CUL4A: variants seen among roughly 807,000 people sequenced by gnomAD.
The protein encoded by CUL4A is cullin 4A.
Under a neutral mutation model 95.5 loss-of-function variants are expected in CUL4A, and 16 were observed. The observed-to-expected ratio is 0.17, with a 90% CI of 0.11 to 0.25. The LOEUF is 0.25. Ranked by LOEUF, CUL4A falls within the 10% of genes least tolerant of loss-of-function variation. CUL4A has a pLI of 1.00. For synonymous variants in CUL4A, 380 were observed against 353.1 expected (o/e 1.08, Z -0.85); for missense variants, 610 against 937.0 (o/e 0.65, Z 4.56).
upstream of CUL4A, chr13:113,208,583 C>G: frequency 6.2e-7 from 1 of 1,607,312 alleles, no homozygotes; most frequent in Non-Finnish European, 8.5e-7. Flanking sequence ...CCGCGCGCTC[C>G]CCGGCTAGGA....
chr13:113,236,800 C>T lies in CUL4A; in HGVS notation c.849-23C>T, dbSNP rs374556023. On this transcript the variant is annotated intron_variant, in intron 8 of 19. Transcript: ENST00000375440. Reference sequence around the variant, plus strand: ...TCTTCTTTAAACTTTACTTCTAACGCTTATTCTTTTTACCTTATATAGGAA... The same window carrying T: ...TCTTCTTTAAACTTTACTTCTAACGTTTATTCTTTTTACCTTATATAGGAA... The T allele has an allele frequency of 2.0e-4, 306 of 1,548,364 alleles. 1 individual carries two copies. The highest frequency in any genetic ancestry group is 2.7e-4 in the Non-Finnish European group (300 of 1,126,360).
intron 5 of CUL4A, 126 bp downstream of exon 5, chr13:113,229,645 A>G (rs1397837942): frequency 2.6e-6 from 2 of 768,720 alleles, no homozygotes; most frequent in African/African-American, 1.7e-5. Flanking sequence ...TCTTCAGCCA[A>G]AATCATTAAC....
At chr13:113,252,737 C>T (rs547711992) in intron 15 of CUL4A, among the ~76,000 whole-genome samples, 39 of 152,302 alleles carry the variant, frequency 2.6e-4, no homozygotes, top group African/African-American at 9.4e-4. Context: ...TGGGCATGGC[C>T]GGGCTGAGAC....
intron 3 of CUL4A, among the ~76,000 whole-genome samples, chr13:113,225,660 G>A (rs1252162425): frequency 6.6e-6 from 1 of 152,244 alleles, no homozygotes; most frequent in Non-Finnish European, 1.5e-5. Context: ...TTCGGCTGCT[G>A]TGGCCCGCCT....
chr13:113,244,325 A>G, intron 11 of CUL4A, 85 bp from the exon 12 acceptor site: 1 of 948,254 alleles, frequency 1.1e-6, no homozygotes, highest in Non-Finnish European at 1.6e-6. Context: ...AGGTTCCAGA[A>G]TGTTCCTGTA....
intron 5 of CUL4A, among the ~76,000 whole-genome samples, chr13:113,231,872 G>A (rs1343748840): frequency 1.3e-5 from 2 of 152,100 alleles, no homozygotes; most frequent in Admixed American, 1.3e-4. Context: ...CAAGGGAGGT[G>A]CACGTCTCCA....
At chr13:113,251,083 A>G (rs1398661762) in intron 15 of CUL4A, among the ~76,000 whole-genome samples, 3 of 152,206 alleles carry the variant, frequency 2.0e-5, no homozygotes, top group Non-Finnish European at 4.4e-5. Context: ...TGCTGGTGCC[A>G]TGTACAGTGC....
chr13:113,215,096 G>T (rs12866090), intron 2 of CUL4A, among the ~76,000 whole-genome samples: 1 of 150,188 alleles, frequency 6.7e-6, no homozygotes, highest in Non-Finnish European at 1.5e-5. Flanking sequence ...CGCGTCCCGT[G>T]TGGCTGTGGA....
intron 15 of CUL4A, among the ~76,000 whole-genome samples, chr13:113,246,450 T>A (rs767444254): frequency 1.3e-5 from 2 of 152,190 alleles, no homozygotes; most frequent in Non-Finnish European, 1.5e-5. Context: ...CACTAAACCC[T>A]TCAGTGGAGG....
At chr13:113,231,816 A>C (rs1346609969) in intron 5 of CUL4A, among the ~76,000 whole-genome samples, 1 of 152,152 alleles carries the variant, frequency 6.6e-6, no homozygotes, top group African/African-American at 2.4e-5. Flanking sequence ...CCTGGTGTGC[A>C]GCACACGCGG....
At chr13:113,226,831 G>C (rs1048751484) in intron 3 of CUL4A, among the ~76,000 whole-genome samples, 10 of 152,316 alleles carry the variant, frequency 6.6e-5, no homozygotes, top group Middle Eastern at 6.8e-3. Flanking sequence ...GACCAGCCTA[G>C]GAGTATAGTG....
At chr13:113,217,504 C>A (rs1005165055) in intron 2 of CUL4A, among the ~76,000 whole-genome samples, 2 of 152,080 alleles carry the variant, frequency 1.3e-5, no homozygotes, top group Admixed American at 6.5e-5. Flanking sequence ...TATTCCACAT[C>A]CTCTTTTGAT....
chr13:113,236,733 C>T, intron 8 of CUL4A, 90 bp from the exon 9 acceptor site: 1 of 800,448 alleles, frequency 1.2e-6, no homozygotes, highest in Non-Finnish European at 2.1e-6. Context: ...TAGACTGCAT[C>T]TGTCATAGAC....
intron 18 of CUL4A, among the ~76,000 whole-genome samples, chr13:113,257,104 T>C (rs2042149350): frequency 6.6e-6 from 1 of 152,050 alleles, no homozygotes; most frequent in African/African-American, 2.4e-5. Flanking sequence ...TTTCTATTTT[T>C]AGTAGAGACG....
Position 113,233,266 on chromosome 13 carries a change from A to C in CUL4A, c.602A>C (p.Glu201Ala), listed in dbSNP as rs1278833289. Reference protein sequence around the residue: ...KTIDGILLLIERERSGEAVDR... With the variant: ...KTIDGILLLIARERSGEAVDR... ...ATTGATGGAATCCTACTGCTGATCG[A>C]GCGCGAGAGGAGCGGCGAGGCCGTG... The change falls in exon 6 of 20, where the codon GAG becomes GCG. Residue 201 changes from glutamate to alanine, a missense_variant. Glu to Ala is a moderately radical substitution (Grantham distance 107, BLOSUM62 -1). This residue lies in a region of CUL4A where 97 missense variants were observed against 100.3 expected (regional missense o/e 0.97). Coordinates refer to ENST00000375440, the MANE Select transcript of CUL4A (RefSeq NM_001008895.4). 2 of 1,614,060 alleles carry C rather than the reference A, an allele frequency of 1.2e-6. No homozygotes were observed. The highest frequency in any genetic ancestry group is 2.2e-5 in the South Asian group (2 of 91,084).
chr13:113,237,520 C>G (rs1395944860), intron 9 of CUL4A, among the ~76,000 whole-genome samples: 2 of 152,184 alleles, frequency 1.3e-5, no homozygotes, highest in East Asian at 1.9e-4. Flanking sequence ...GATGTCTTAC[C>G]TCGATCTTTG....
chr13:113,208,581 T>C (rs749489503), upstream of CUL4A: 3 of 1,606,678 alleles, frequency 1.9e-6, no homozygotes, highest in East Asian at 6.7e-5. Flanking sequence ...CGCCGCGCGC[T>C]CCCCGGCTAG....
chr13:113,208,487 G>A (rs9549692), upstream of CUL4A: 1,532,471 of 1,541,584 alleles, frequency 0.99, 762,066 homozygotes, highest in South Asian at 1. Context: ...CCGAACGGAA[G>A]AAGGGTGGCG....
intron 2 of CUL4A, among the ~76,000 whole-genome samples, chr13:113,215,245 C>T (rs181314314): frequency 5.6e-5 from 8 of 143,924 alleles, no homozygotes; most frequent in African/African-American, 1.0e-4. Context: ...CTGTGGAGGT[C>T]GCTGTGTGAC....
Sources: allele counts gnomAD v4.1 joint callset (sites outside exome capture counted in the v4.1 genomes callset), GRCh38; gene constraint gnomAD v4.1.1; regional missense constraint gnomAD v4.1.1; transcripts MANE v1.5; gene names NCBI Gene and HGNC (gene_info 2026-07-23, HGNC 2026-07-21).